Variants in PCDHA11 observed in about 807,000 individuals in gnomAD.
PCDHA11 encodes the protein protocadherin alpha 11, also known as protocadherin alpha-11.
PCDHA11 carries 61 observed loss-of-function variants against 70.3 expected under a neutral mutation model. The observed-to-expected ratio is 0.87, with a 90% CI of 0.71 to 1.07. The LOEUF is 1.07. Ranked by LOEUF, PCDHA11 falls within the 50% of genes least tolerant of loss-of-function variation. PCDHA11 has a pLI of 0.00. For synonymous variants in PCDHA11, 633 were observed against 555.1 expected (o/e 1.14, Z -1.97); for missense variants, 1,324 against 1,237.5 (o/e 1.07, Z -1.05).
Position 140,870,286 on chromosome 5 carries a change from A to C in PCDHA11, c.1183A>C (p.Lys395Gln). 1 of 1,614,124 alleles carries C rather than the reference A, an allele frequency of 6.2e-7. No homozygotes were observed. The highest frequency in any genetic ancestry group is 8.5e-7 in the Non-Finnish European group (1 of 1,180,018). Residue 395 changes from lysine (K) to glutamine (Q), a missense_variant, in exon 1 of 4, where the codon AAG (lysine) becomes CAG (glutamine). Coordinates refer to ENST00000398640, the MANE Select transcript of PCDHA11 (RefSeq NM_018902.5). ...TCSLTPHVPF[K>Q]LVSTFKNYYS... The stretch of plus-strand genomic sequence containing the variant: ...CTCGCTGACGCCCCACGTTCCCTTC[A>C]AGCTGGTGTCCACCTTCAAGAATTA...
At chr5:140,967,944 A>G (rs782135204) in intron 1 of PCDHA11, 4 of 1,613,970 alleles carry the variant, frequency 2.5e-6, no homozygotes. Flanking sequence ...AATGACCAAG[A>G]CTCAGGCCCC....
chr5:140,870,141 T>C lies in PCDHA11; in HGVS notation c.1038T>C (p.Ser346=). The C allele has an allele frequency of 6.2e-7, 1 of 1,613,952 alleles. No individual in the cohort carries two copies. The highest frequency in any genetic ancestry group is 8.5e-7 in the Non-Finnish European group (1 of 1,179,958). The change falls in exon 1 of 4, where the codon TCT becomes TCC. Residue 346 remains serine, a synonymous_variant. Coordinates refer to ENST00000398640, the MANE Select transcript of PCDHA11 (RefSeq NM_018902.5). The stretch of plus-strand genomic sequence containing the variant: ...AAATCTTGGACACCAACGATAACTC[T>C]CCTGAAGTCGCCGTGACTTCCTTGT... ...WVEILDTNDN[S]PEVAVTSLSL... is the part of the protein sequence containing the mutation.
At chr5:140,970,121 G>C (rs1230320134) in intron 1 of PCDHA11, among the ~76,000 whole-genome samples, 1 of 152,184 alleles carries the variant, frequency 6.6e-6, no homozygotes, top group Non-Finnish European at 1.5e-5. Flanking sequence ...GCTGGGATTA[G>C]AAGGAAGAGA....
chr5:140,895,885 C>T (rs2065231883), intron 1 of PCDHA11, among the ~76,000 whole-genome samples: 1 of 152,174 alleles, frequency 6.6e-6, no homozygotes, highest in South Asian at 2.1e-4. Context: ...GATCTCGGCT[C>T]ACTGCAACCT....
chr5:140,876,726 G>T, intron 1 of PCDHA11: 1 of 1,614,264 alleles, frequency 6.2e-7, no homozygotes, highest in African/African-American at 1.3e-5. Context: ...GCGAGAGCGT[G>T]TCGGCCTATG....
rs782676295 is a variant in PCDHA11, at chr5:140,870,378, T to C, written c.1275T>C (p.Thr425=). 3 of 1,614,036 alleles carry C rather than the reference T, an allele frequency of 1.9e-6. No individual in the cohort carries two copies. Among genetic ancestry groups the C allele is most frequent in the African/African-American group, 1.3e-5 (1 of 74,926 alleles). ...ENVWAYELVV[T]ARDGGSPSLW... is the part of the protein sequence containing the mutation. ...TGTGGGCCTATGAACTGGTGGTGAC[T>C]GCGCGGGATGGGGGTTCGCCTTCTC... The change falls in exon 1 of 4, where the codon ACT becomes ACC. Residue 425 remains threonine, a synonymous_variant. Coordinates refer to ENST00000398640, the MANE Select transcript of PCDHA11 (RefSeq NM_018902.5).
In PCDHA11 at chr5:141,010,428, A is replaced by G. The variant is rs2098417264; in HGVS notation, c.*491A>G. The G allele has an allele frequency of 9.2e-7, 1 of 1,087,372 alleles. No individual in the cohort carries two copies. Among genetic ancestry groups the G allele is most frequent in the East Asian group, 2.6e-5 (1 of 38,240 alleles). 67.4% of individuals were successfully genotyped at this position (1,087,372 alleles called of 1,614,324 possible). ...GACTAATTGGTACAAGGAAGGCAAG[A>G]AAACAAAGACAAATAAACAGCGGAA... On this transcript the variant is annotated 3_prime_UTR_variant, in exon 4 of 4. Transcript: ENST00000398640.
chr5:140,936,771 C>G (rs182480245), intron 1 of PCDHA11, among the ~76,000 whole-genome samples: 2 of 152,230 alleles, frequency 1.3e-5, no homozygotes, highest in South Asian at 4.1e-4. Flanking sequence ...TGTGTAAGTT[C>G]TCTCACTTTG....
chr5:140,978,875 T>A, intron 1 of PCDHA11, 74 bp from the exon 2 acceptor site: 2 of 1,609,316 alleles, frequency 1.2e-6, no homozygotes, highest in Non-Finnish European at 1.7e-6. Flanking sequence ...AGGGAGTAAC[T>A]AATCAATTAG....
intron 1 of PCDHA11, among the ~76,000 whole-genome samples, chr5:140,873,019 T>C (rs1453965744): frequency 6.6e-6 from 1 of 152,206 alleles, no homozygotes; most frequent in Non-Finnish European, 1.5e-5. Flanking sequence ...TATTTAGTTA[T>C]TCTTACTACA....
At position 140,869,974 on chromosome 5, in the gene PCDHA11, T is replaced by G; in HGVS notation, c.871T>G (p.Leu291Val). The G allele has an allele frequency of 6.2e-7, 1 of 1,613,252 alleles. No individual in the cohort carries two copies. The highest frequency in any genetic ancestry group is 8.5e-7 in the Non-Finnish European group (1 of 1,179,632). ...LMSIKPNGRH[L>V]FTLDQNNGEV... ...GTCAATTAAGCCCAATGGAAGACAC[T>G]TATTTACACTAGATCAAAATAATGG... The change falls in exon 1 of 4, where the codon TTA becomes GTA. Residue 291 changes from leucine to valine, a missense_variant. Transcript: ENST00000398640.
chr5:140,871,692 C>T, intron 1 of PCDHA11, 198 bp downstream of exon 1: 1 of 997,192 alleles, frequency 1.0e-6, no homozygotes, highest in Non-Finnish European at 1.4e-6. Flanking sequence ...AATCTGGCTT[C>T]TTTAACCAAT....
intron 3 of PCDHA11, among the ~76,000 whole-genome samples, chr5:141,001,534 G>A (rs2098024616): frequency 6.6e-6 from 1 of 152,180 alleles, no homozygotes; most frequent in African/African-American, 2.4e-5. Flanking sequence ...CTCTGATCCT[G>A]GACAGGATTT....
intron 1 of PCDHA11, among the ~76,000 whole-genome samples, chr5:140,932,571 A>G (rs1308740705): frequency 1.3e-5 from 2 of 151,926 alleles, no homozygotes; most frequent in African/African-American, 4.8e-5. Context: ...AGACTTTCCC[A>G]TAGGGTAATT....
chr5:140,882,153 A>G (rs1197738298), intron 1 of PCDHA11: 9 of 1,505,320 alleles, frequency 6.0e-6, no homozygotes, highest in Admixed American at 2.3e-5. Flanking sequence ...CAGAAAGCGG[A>G]ATACCTCTTG....
intron 1 of PCDHA11, among the ~76,000 whole-genome samples, chr5:140,914,897 TTG>T (rs1415652208): frequency 6.6e-6 from 1 of 151,972 alleles, no homozygotes; most frequent in East Asian, 1.9e-4. Context: ...GCTTTTAACT[TTG>T]TGTTGTTTCT....
At chr5:140,947,027 A>G (rs554018076) in intron 1 of PCDHA11, among the ~76,000 whole-genome samples, 2 of 151,820 alleles carry the variant, frequency 1.3e-5, no homozygotes, top group African/African-American at 2.4e-5. Context: ...GAGGTAATGG[A>G]TATACTAATT....
intron 1 of PCDHA11, chr5:140,927,928 T>C: frequency 6.2e-7 from 1 of 1,614,214 alleles, no homozygotes; most frequent in Non-Finnish European, 8.5e-7. Context: ...CCTGACTCTT[T>C]CGAACCCAGT....
intron 1 of PCDHA11, among the ~76,000 whole-genome samples, chr5:140,887,968 T>C (rs1434403033): frequency 6.6e-6 from 1 of 152,242 alleles, no homozygotes; most frequent in Non-Finnish European, 1.5e-5. Context: ...TTTGTCTCTT[T>C]TAAAATTTAT....
Sources: allele counts gnomAD v4.1 joint callset (sites outside exome capture counted in the v4.1 genomes callset), GRCh38; gene constraint gnomAD v4.1.1; transcripts MANE v1.5; gene names NCBI Gene and HGNC (gene_info 2026-07-23, HGNC 2026-07-21).